Variants in PTPRT observed in about 807,000 individuals in gnomAD.
The protein encoded by PTPRT is protein tyrosine phosphatase receptor type T.
In PTPRT, 56 loss-of-function variants were observed where a neutral mutation model predicts 176.8. The ratio of observed to expected loss-of-function variants is 0.32; its 90% confidence interval spans 0.26 to 0.40. The LOEUF (loss-of-function observed/expected upper bound fraction) is 0.40. PTPRT is among the 10% of genes least tolerant of loss of function. PTPRT has a pLI of 1.00. For synonymous variants in PTPRT, 783 were observed against 739.0 expected (o/e 1.06, Z -0.96); for missense variants, 1,540 against 1,908.2 (o/e 0.81, Z 3.60).
intron 1 of PTPRT, among the ~76,000 whole-genome samples, chr20:43,103,219 G>A (rs905947014): frequency 2.0e-5 from 3 of 152,128 alleles, no homozygotes; most frequent in Admixed American, 6.6e-5. Flanking sequence ...AGCCAATGCA[G>A]AGGACAGAGT....
intron 13 of PTPRT, among the ~76,000 whole-genome samples, chr20:42,269,405 C>G (rs1164596487): frequency 2.0e-5 from 3 of 152,168 alleles, no homozygotes; most frequent in Non-Finnish European, 2.9e-5. Context: ...GACCGGAGGC[C>G]ATTGTCTGGG....
At chr20:42,050,279 T>C in the PTPRT span, among the ~76,000 whole-genome samples, 1 of 152,188 alleles carries the variant, frequency 6.6e-6, no homozygotes, top group Admixed American at 6.5e-5. Flanking sequence ...GCGTTTGGTC[T>C]CTTCCAAAGG....
chr20:42,442,889 G>A (rs1415138775), intron 9 of PTPRT, among the ~76,000 whole-genome samples: 7 of 152,118 alleles, frequency 4.6e-5, no homozygotes, highest in Non-Finnish European at 8.8e-5. Context: ...GTGCCTGTCC[G>A]CAATTGCGAC....
chr20:42,790,958 C>T (rs1385792512), intron 3 of PTPRT, among the ~76,000 whole-genome samples: 1 of 152,200 alleles, frequency 6.6e-6, no homozygotes, highest in Non-Finnish European at 1.5e-5. Flanking sequence ...TCAGGAGCCA[C>T]ATGCATCCTG....
intron 1 of PTPRT, among the ~76,000 whole-genome samples, chr20:43,015,335 A>C (rs1568734254): frequency 6.6e-6 from 1 of 152,212 alleles, no homozygotes; most frequent in Non-Finnish European, 1.5e-5. Context: ...TTTTCGGCCA[A>C]ACTTACAAAA....
At chr20:42,409,900 A>G (rs1454471698) in intron 9 of PTPRT, among the ~76,000 whole-genome samples, 2 of 152,238 alleles carry the variant, frequency 1.3e-5, no homozygotes, top group Non-Finnish European at 2.9e-5. Context: ...GCAGTCTCTG[A>G]GTACAACTCA....
At chr20:42,830,633 A>C (rs1020789761) in intron 2 of PTPRT, among the ~76,000 whole-genome samples, 3 of 152,190 alleles carry the variant, frequency 2.0e-5, no homozygotes, top group African/African-American at 7.2e-5. Context: ...AGGGCATCCA[A>C]ATAGTAAGAT....
At chr20:42,640,210 T>G in intron 7 of PTPRT, among the ~76,000 whole-genome samples, 1 of 152,162 alleles carries the variant, frequency 6.6e-6, no homozygotes. Context: ...CATTAGAATA[T>G]TAGAGATTTC....
chr20:42,159,742 C>T (rs1025109152), intron 17 of PTPRT, among the ~76,000 whole-genome samples: 2 of 152,206 alleles, frequency 1.3e-5, no homozygotes, highest in Admixed American at 6.5e-5. Flanking sequence ...TTGACATAAA[C>T]ATTTTTGTTC....
At position 43,110,893 on chromosome 20, in the gene PTPRT, C is replaced by T. The variant is rs1282695654; in HGVS notation, c.88+78753G>A. On this transcript the variant is annotated intron_variant, in intron 1 of 30. Transcript: ENST00000373187. ...CTCTTTTCTGACCTCCACTCTTATGCTAGCTCCAGGGACTCAAGTACCATC... is the reference window on the plus strand; with the variant it reads ...CTCTTTTCTGACCTCCACTCTTATGTTAGCTCCAGGGACTCAAGTACCATC... 2.6e-5 allele frequency among the ~76,000 whole-genome samples: 4 copies of T among 152,302 alleles called. No individual in the cohort carries two copies. In the East Asian group the frequency reaches 7.7e-4, roughly 29 times the overall value.
At chr20:42,818,170 AC>A (rs1240954932) in intron 2 of PTPRT, among the ~76,000 whole-genome samples, 3 of 152,102 alleles carry the variant, frequency 2.0e-5, no homozygotes, top group African/African-American at 7.2e-5. Flanking sequence ...ACGAGCAGGC[AC>A]CCATCTTTGC....
intron 26 of PTPRT, among the ~76,000 whole-genome samples, chr20:42,100,113 C>G (rs951803982): frequency 6.6e-6 from 1 of 152,182 alleles, no homozygotes; most frequent in African/African-American, 2.4e-5. Context: ...TACCCACATG[C>G]AAAATGGGAC....
intron 1 of PTPRT, among the ~76,000 whole-genome samples, chr20:42,986,989 A>G (rs559401365): frequency 6.6e-6 from 1 of 152,112 alleles, no homozygotes; most frequent in Non-Finnish European, 1.5e-5. Flanking sequence ...ACAAACACAC[A>G]CTGACTCCCG....
chr20:42,868,156 T>C (rs1239573137), intron 2 of PTPRT, among the ~76,000 whole-genome samples: 4 of 152,102 alleles, frequency 2.6e-5, no homozygotes, highest in Non-Finnish European at 5.9e-5. Flanking sequence ...AGAGTCTAGA[T>C]TATTGTGAAC....
At chr20:42,387,302 A>G (rs1374517419) in intron 9 of PTPRT, among the ~76,000 whole-genome samples, 1 of 152,244 alleles carries the variant, frequency 6.6e-6, no homozygotes, top group Admixed American at 6.5e-5. Flanking sequence ...CAGCCCAGAG[A>G]TTCAATAAGT....
At chr20:42,059,736 C>A in the PTPRT span, among the ~76,000 whole-genome samples, 1 of 152,100 alleles carries the variant, frequency 6.6e-6, no homozygotes, top group Admixed American at 6.5e-5. Context: ...CTGGGGTACA[C>A]AAAGGAAGTA....
At chr20:42,746,437 C>A (rs561887443) in intron 6 of PTPRT, among the ~76,000 whole-genome samples, 39 of 152,220 alleles carry the variant, frequency 2.6e-4, no homozygotes, top group African/African-American at 8.9e-4. Flanking sequence ...CATAGGCACG[C>A]ACTTTGTTTA....
At chr20:42,969,653 C>T (rs976453521) in intron 1 of PTPRT, 1 of 152,156 alleles carries the variant, frequency 6.6e-6, no homozygotes, top group Non-Finnish European at 1.5e-5. Flanking sequence ...AAAACCAAAA[C>T]ATTTTTTCGT....
chr20:42,520,650 C>A (rs745974388), intron 7 of PTPRT, among the ~76,000 whole-genome samples: 8 of 152,146 alleles, frequency 5.3e-5, no homozygotes, highest in Admixed American at 2.0e-4. Context: ...ATTTTCTCTG[C>A]CCCAGCTCTG....
Sources: allele counts gnomAD v4.1 joint callset (sites outside exome capture counted in the v4.1 genomes callset), GRCh38; gene constraint gnomAD v4.1.1; transcripts MANE v1.5; gene names NCBI Gene and HGNC (gene_info 2026-07-23, HGNC 2026-07-21).